Variants in ZNF284 observed in about 807,000 individuals in gnomAD.
ZNF284 encodes zinc finger protein 284.
Under a neutral mutation model 12.9 loss-of-function variants are expected in ZNF284, and 12 were observed. The ratio of observed to expected loss-of-function variants is 0.93; its 90% CI spans 0.60 to 1.51. The LOEUF (loss-of-function observed/expected upper bound fraction) is 1.51. Among genes scored for constraint, ZNF284 ranks in the 40% most tolerant of loss-of-function variants. ZNF284 has a pLI of 0.00. For synonymous variants in ZNF284, 225 were observed against 236.5 expected (o/e 0.95, Z 0.45); for missense variants, 667 against 707.3 (o/e 0.94, Z 0.65).
intron 2 of ZNF284, 147 bp downstream of exon 2, chr19:44,076,551 T>G (rs530254818): frequency 2.5e-6 from 2 of 786,486 alleles, no homozygotes; most frequent in African/African-American, 1.7e-5. Flanking sequence ...GTTTCTTTTG[T>G]GTTGAATTTG....
intron 2 of ZNF284, among the ~76,000 whole-genome samples, chr19:44,078,845 CA>C (rs1967073022): frequency 6.6e-6 from 1 of 152,090 alleles, no homozygotes; most frequent in Admixed American, 6.5e-5. Flanking sequence ...GGCTGGAGTG[CA>C]GTGGCGCAAT....
At position 44,086,369 on chromosome 19, in the gene ZNF284, T is replaced by C. The variant is rs201406518; in HGVS notation, c.891T>C (p.His297=). ...FKCYICGKSF[H]SRSNLNRHSM... ...GTTATATATGTGGTAAGAGCTTCCA[T>C]AGTAGATCAAATCTTAATAGGCATT... The change falls in exon 5 of 5, where the codon CAT becomes CAC. Residue 297 remains histidine, a synonymous_variant. Coordinates refer to ENST00000421176, the MANE Select transcript of ZNF284 (RefSeq NM_001037813.4). The C allele has an allele frequency of 1.1e-4, 177 of 1,614,108 alleles. No homozygotes were observed. Among genetic ancestry groups the C allele is most frequent in the Non-Finnish European group, 1.4e-4 (161 of 1,180,012 alleles).
At chr19:44,075,274 G>T (rs1385614016) in intron 1 of ZNF284, among the ~76,000 whole-genome samples, 1 of 152,010 alleles carries the variant, frequency 6.6e-6, no homozygotes, top group Non-Finnish European at 1.5e-5. Flanking sequence ...CTATACTTTT[G>T]TTTAATCTAG....
chr19:44,085,855 A>C lies in ZNF284; in HGVS notation c.377A>C (p.Gln126Pro). ...DSISSSQFSTQGDVPSQVDAG... is the reference protein window; with the variant it reads ...DSISSSQFSTPGDVPSQVDAG... ...ATAAGTAGCTCTCAGTTCTCCACACAAGGTGATGTCCCCTCCCAGGTTGAC... is the reference window on the plus strand; with the variant it reads ...ATAAGTAGCTCTCAGTTCTCCACACCAGGTGATGTCCCCTCCCAGGTTGAC... The change falls in exon 5 of 5, where the codon CAA becomes CCA. Residue 126 changes from glutamine (Q) to proline (P), a missense_variant. Coordinates refer to ENST00000421176, the MANE Select transcript of ZNF284 (RefSeq NM_001037813.4). 6.2e-7 allele frequency: 1 copy of C among 1,614,118 alleles called. No homozygotes were observed. Among genetic ancestry groups the C allele is most frequent in the Non-Finnish European group, 8.5e-7 (1 of 1,179,998 alleles).
intron 4 of ZNF284, among the ~76,000 whole-genome samples, chr19:44,084,747 T>C (rs1039375596): frequency 3.4e-4 from 51 of 152,158 alleles, no homozygotes; most frequent in African/African-American, 1.1e-3. Context: ...TGTGGGGGCA[T>C]GTCCATGGGG....
Position 44,086,240 on chromosome 19 carries a change from A to T in ZNF284, c.762A>T (p.Thr254=). The T allele has an allele frequency of 6.2e-7, 1 of 1,614,248 alleles. No homozygotes were observed. The highest frequency in any genetic ancestry group is 8.5e-7 in the Non-Finnish European group (1 of 1,180,038). Residue 254 remains threonine (T), a synonymous_variant, in exon 5 of 5, where the codon ACA becomes ACT. Coordinates refer to ENST00000421176, the MANE Select transcript of ZNF284 (RefSeq NM_001037813.4). ...TGTATGTTCATTGCAAATTACACACAGGAGAAAAACCTCATATTTGTGAGG... is the reference window on the plus strand; with the variant it reads ...TGTATGTTCATTGCAAATTACACACTGGAGAAAAACCTCATATTTGTGAGG... ...SGMYVHCKLH[T]GEKPHICEEC...
chr19:44,076,817 C>T (rs1002279098), intron 2 of ZNF284, among the ~76,000 whole-genome samples: 6 of 95,910 alleles, frequency 6.3e-5, no homozygotes, highest in Admixed American at 4.7e-4. Flanking sequence ...AATTGATGCT[C>T]CTTTTTTTTT....
intron 1 of ZNF284, among the ~76,000 whole-genome samples, chr19:44,075,273 T>C (rs1383814058): frequency 1.3e-5 from 2 of 152,246 alleles, no homozygotes; most frequent in African/African-American, 4.8e-5. Flanking sequence ...TCTATACTTT[T>C]GTTTAATCTA....
chr19:44,083,474 T>TATATATAGAGAGAGAG lies in ZNF284; in HGVS notation c.235+1370_235+1371insTATATAGAGAGAGAGA, dbSNP rs746837013. Among the ~76,000 whole-genome samples, 9 of 64,922 alleles carry TATATATAGAGAGAGAG rather than the reference T, an allele frequency of 1.4e-4. No homozygotes were observed. The South Asian group carries it at 2.1e-3, about 15-fold the overall frequency. 42.6% of individuals were successfully genotyped at this position (64,922 alleles called of 152,430 possible). ...AAATATATATATATATATATATATA[T>TATATATAGAGAGAGAG]AGAGAGAGAGAGAGAGAGAGAGAGA... On this transcript the variant is annotated intron_variant, in intron 4 of 4. Coordinates refer to ENST00000421176, the MANE Select transcript of ZNF284 (RefSeq NM_001037813.4).
chr19:44,086,476 A>G lies in ZNF284; in HGVS notation c.998A>G (p.His333Arg), dbSNP rs376270798. ...GGTCAGAGATCAGCACTTAATAGTC[A>G]TTGCATGGACCACACAAAAGAGAAA... Reference protein sequence around the residue: ...SFGQRSALNSHCMDHTKEKLY... With the variant: ...SFGQRSALNSRCMDHTKEKLY... Residue 333 changes from histidine (H) to arginine (R), a missense_variant, in exon 5 of 5, where the codon CAT becomes CGT. By Grantham distance (29) the His-to-Arg change is conservative. Coordinates refer to ENST00000421176, the MANE Select transcript of ZNF284 (RefSeq NM_001037813.4). The G allele has an allele frequency of 1.4e-5, 22 of 1,614,076 alleles. No homozygotes were observed. The African/African-American group carries it at 2.8e-4, about 21-fold the overall frequency.
Position 44,086,253 on chromosome 19 carries a change from C to T in ZNF284, c.775C>T (p.His259Tyr). Reference sequence around the variant, plus strand: ...CAAATTACACACAGGAGAAAAACCTCATATTTGTGAGGAATGTGGGAAGGC... The same window carrying T: ...CAAATTACACACAGGAGAAAAACCTTATATTTGTGAGGAATGTGGGAAGGC... ...HCKLHTGEKP[H>Y]ICEECGKAFI... is the part of the protein sequence containing the mutation. Residue 259 changes from histidine to tyrosine, a missense_variant, in exon 5 of 5, where the codon CAT becomes TAT. Physicochemically the swap from His to Tyr is moderately conservative, Grantham distance 83. Transcript: ENST00000421176. 5.6e-6 allele frequency: 9 copies of T among 1,614,168 alleles called. No homozygotes were observed. Among genetic ancestry groups the T allele is most frequent in the Non-Finnish European group, 7.6e-6 (9 of 1,180,020 alleles).
Position 44,086,995 on chromosome 19 carries a change from C to T in ZNF284, c.1517C>T (p.Thr506Ile). The T allele has an allele frequency of 1.9e-6, 3 of 1,614,176 alleles. No individual in the cohort carries two copies. The highest frequency in any genetic ancestry group is 2.5e-6 in the Non-Finnish European group (3 of 1,180,024). Residue 506 changes from threonine to isoleucine, a missense_variant, in exon 5 of 5, where the codon ACT (threonine) becomes ATT (isoleucine). Thr to Ile is a moderately conservative substitution (Grantham distance 89). Transcript: ENST00000421176. ...CTTCGTTTCCATCAAAGAATTCACA[C>T]TGGAGAAAAGCCTTACAAATGTGAG... ...SKLRFHQRIH[T>I]GEKPYKCEEC...
At chr19:44,083,500 G>T (rs1568522582) in intron 4 of ZNF284, among the ~76,000 whole-genome samples, 2,139 of 40,184 alleles carry the variant, frequency 0.053, 502 homozygotes, top group Non-Finnish European at 0.13. Context: ...GAGAGAGAGA[G>T]AGGGAATGGA....
chr19:44,077,886 G>T (rs1967058126), intron 2 of ZNF284, among the ~76,000 whole-genome samples: 1 of 152,132 alleles, frequency 6.6e-6, no homozygotes, highest in South Asian at 2.1e-4. Context: ...GCTCCTCCCT[G>T]ACCCCTCCTC....
chr19:44,079,510 C>T (rs1967084193), intron 2 of ZNF284, among the ~76,000 whole-genome samples: 2 of 152,020 alleles, frequency 1.3e-5, no homozygotes, highest in South Asian at 2.1e-4. Context: ...GAGATCGAGA[C>T]CATCCTGGCT....
chr19:44,084,310 G>C (rs543659419), intron 4 of ZNF284, among the ~76,000 whole-genome samples: 2 of 152,194 alleles, frequency 1.3e-5, no homozygotes, highest in Non-Finnish European at 2.9e-5. Flanking sequence ...CAATCCCCAG[G>C]TCCCTCTGTG....
rs60706930 is a variant in ZNF284, at chr19:44,088,820, C to CTTTTTTTTTTTTT, written c.*1563_*1575dup. ...CTGACCATTATTAGGCAAGAATTGG[C>CTTTTTTTTTTTTT]TTTTTTTTTTTTTTTCTTTTGAGAC... On this transcript the variant is annotated 3_prime_UTR_variant, in exon 5 of 5. Coordinates refer to ENST00000421176, the MANE Select transcript of ZNF284 (RefSeq NM_001037813.4). The CTTTTTTTTTTTTT allele has an allele frequency of 3.5e-5, 5 of 141,934 alleles. No homozygotes were observed. Among genetic ancestry groups the CTTTTTTTTTTTTT allele is most frequent in the Non-Finnish European group, 6.1e-5 (4 of 65,958 alleles). 8.8% of individuals were successfully genotyped at this position (141,934 alleles called of 1,614,324 possible). A position where few individuals can be genotyped will look rare whatever the true frequency, so the allele number is the denominator to read the frequency against.
intron 1 of ZNF284, among the ~76,000 whole-genome samples, chr19:44,073,637 AG>A (rs894782744): frequency 6.7e-6 from 1 of 149,668 alleles, no homozygotes; most frequent in African/African-American, 2.5e-5. Context: ...TCCGCCTCCC[AG>A]GTTCACGCCA....
chr19:44,085,845 T>A lies in ZNF284; in HGVS notation c.367T>A (p.Phe123Ile). 6.5e-7 allele frequency: 1 copy of A among 1,543,092 alleles called. No individual in the cohort carries two copies. Among genetic ancestry groups the A allele is most frequent in the Non-Finnish European group, 8.9e-7 (1 of 1,128,858 alleles). The change falls in exon 5 of 5, where the codon TTC (phenylalanine) becomes ATC (isoleucine). Residue 123 changes from phenylalanine (F) to isoleucine (I), a missense_variant. Transcript: ENST00000421176. ...TCAAGACTCCATAAGTAGCTCTCAG[T>A]TCTCCACACAAGGTGATGTCCCCTC... The part of the protein sequence containing the change: ...RPQDSISSSQ[F>I]STQGDVPSQV...
Sources: gnomAD v4.1 joint callset for allele counts (sites outside exome capture counted in the v4.1 genomes callset) on GRCh38, gnomAD v4.1.1 for gene constraint, MANE v1.5 for transcripts, NCBI Gene and HGNC (gene_info 2026-07-23, HGNC 2026-07-21) for gene names.